CLPB: variants seen among roughly 807,000 people sequenced by gnomAD.
CLPB encodes ClpB family mitochondrial disaggregase.
In CLPB, 40 loss-of-function variants were observed where a neutral mutation model predicts 78.4. The ratio of observed to expected loss-of-function variants is 0.51; its 90% confidence interval spans 0.40 to 0.66. The LOEUF (loss-of-function observed/expected upper bound fraction) is 0.66, where lower values mean the gene tolerates loss of function less well. Among genes scored for constraint, CLPB ranks in the 30% least tolerant of loss-of-function variants. CLPB has a pLI of 0.00. For synonymous variants in CLPB, 333 were observed against 348.0 expected (o/e 0.96, Z 0.48); for missense variants, 780 against 886.9 (o/e 0.88, Z 1.53).
chr11:72,341,985 G>A (rs1950428483), intron 5 of CLPB, among the ~76,000 whole-genome samples: 2 of 152,194 alleles, frequency 1.3e-5, no homozygotes, highest in African/African-American at 4.8e-5. Flanking sequence ...TTAGAGAAGT[G>A]GGGACAGAGG....
chr11:72,403,006 A>G lies in CLPB; in HGVS notation c.502T>C (p.Trp168Arg). Reference protein sequence around the residue: ...ADVNAKHRLGWTALMVAAINR... With the variant: ...ADVNAKHRLGRTALMVAAINR... ...ATGGCTGCCACCATGAGTGCTGTCCAGCCAAGTCTGTGCTTTGCATTGACA... is the reference window on the plus strand; with the variant it reads ...ATGGCTGCCACCATGAGTGCTGTCCGGCCAAGTCTGTGCTTTGCATTGACA... Residue 168 changes from tryptophan to arginine, a missense_variant, in exon 3 of 16, where the codon TGG becomes CGG. This residue lies in a region of CLPB where 417 missense variants were observed against 414.7 expected (regional missense o/e 1.01). Transcript: ENST00000538039. The G allele has an allele frequency of 6.2e-7, 1 of 1,613,850 alleles. No homozygotes were observed. Among genetic ancestry groups the G allele is most frequent in the Non-Finnish European group, 8.5e-7 (1 of 1,180,040 alleles).
At chr11:72,414,312 G>A (rs1407506419) in intron 2 of CLPB, among the ~76,000 whole-genome samples, 3 of 152,200 alleles carry the variant, frequency 2.0e-5, no homozygotes, top group Non-Finnish European at 4.4e-5. Flanking sequence ...AAAGGCCTGT[G>A]CAGGACCTGA....
intron 9 of CLPB, among the ~76,000 whole-genome samples, chr11:72,306,446 G>C (rs751223445): frequency 2.0e-5 from 3 of 152,250 alleles, no homozygotes; most frequent in Admixed American, 6.5e-5. Context: ...GCTGGTAGGA[G>C]AATGTTTGGC....
rs567139784 is a variant in CLPB, at chr11:72,331,116, T to C, written c.776-1312A>G. On this transcript the variant is annotated intron_variant, in intron 5 of 15. Transcript: ENST00000538039. Reference sequence around the variant, plus strand: ...ATAAAACTTTTTTAATCAAAAAAATTTTTTTTGGCCAGGTGTGGTGGCTCA... The same window carrying C: ...ATAAAACTTTTTTAATCAAAAAAATCTTTTTTGGCCAGGTGTGGTGGCTCA... 3.5e-4 allele frequency among the ~76,000 whole-genome samples: 53 copies of C among 152,034 alleles called. 1 individual carries two copies. The South Asian group carries it at 0.011, about 31-fold the overall frequency.
rs545155140 is a variant in CLPB at position 72,290,347 on chromosome 11, A to G, written c.*3020T>C. 1 of 152,372 alleles carries G rather than the reference A, an allele frequency of 6.6e-6. No individual in the cohort carries two copies. The highest frequency in any genetic ancestry group is 1.9e-4 in the East Asian group (1 of 5,186). 9.4% of individuals were successfully genotyped at this position (152,372 alleles called of 1,614,324 possible). On this transcript the variant is annotated 3_prime_UTR_variant, in exon 16 of 16. Coordinates refer to ENST00000538039, the MANE Select transcript of CLPB (RefSeq NM_001258392.3). The stretch of plus-strand genomic sequence containing the variant: ...GAATAAAACAGATATCCACTCATTC[A>G]TACTGATATAAATTATCAAATAAAT...
intron 2 of CLPB, among the ~76,000 whole-genome samples, chr11:72,414,331 A>G (rs1365274425): frequency 6.6e-6 from 1 of 152,130 alleles, no homozygotes; most frequent in Non-Finnish European, 1.5e-5. Context: ...GAGGTGTGGG[A>G]AAGGGTCATA....
intron 11 of CLPB, among the ~76,000 whole-genome samples, chr11:72,300,642 C>A (rs928407319): frequency 1.3e-5 from 2 of 152,160 alleles, no homozygotes; most frequent in Non-Finnish European, 2.9e-5. Context: ...ATCTTCCTGG[C>A]TTGGTACCTG....
intron 4 of CLPB, among the ~76,000 whole-genome samples, chr11:72,376,274 T>A (rs986398276): frequency 1.3e-5 from 2 of 152,222 alleles, no homozygotes; most frequent in African/African-American, 4.8e-5. Flanking sequence ...GAGCTGGGTA[T>A]GGTGCCTTGC....
At chr11:72,330,886 G>C (rs1014951102) in intron 5 of CLPB, among the ~76,000 whole-genome samples, 3 of 152,142 alleles carry the variant, frequency 2.0e-5, no homozygotes, top group Non-Finnish European at 4.4e-5. Flanking sequence ...CTCAGTCCCT[G>C]CCATAGGATA....
At chr11:72,413,078 C>A (rs752881539) in intron 2 of CLPB, among the ~76,000 whole-genome samples, 13 of 152,058 alleles carry the variant, frequency 8.5e-5, no homozygotes, top group Non-Finnish European at 1.5e-5. Context: ...CACCTGAGGT[C>A]GGGAGTTCGA....
intron 2 of CLPB, chr11:72,408,324 C>A: frequency 1.3e-6 from 1 of 754,160 alleles, no homozygotes; most frequent in South Asian, 1.7e-5. Flanking sequence ...GCAAGGTGGT[C>A]GTAAGGATTA....
intron 4 of CLPB, among the ~76,000 whole-genome samples, chr11:72,371,470 A>G (rs1763147210): frequency 6.6e-6 from 1 of 151,902 alleles, no homozygotes; most frequent in South Asian, 2.1e-4. Flanking sequence ...CGGAGGTTGC[A>G]GAGAGCTGAG....
chr11:72,410,608 T>C (rs1855848023), intron 2 of CLPB: 1 of 152,206 alleles, frequency 6.6e-6, no homozygotes, highest in South Asian at 2.1e-4. Flanking sequence ...ACACAGAACT[T>C]GGAACACAGT....
rs539642929 is a variant in CLPB, at chr11:72,425,815, C to G, written c.455+4497G>C. On this transcript the variant is annotated intron_variant, in intron 2 of 15. Coordinates refer to ENST00000538039, the MANE Select transcript of CLPB (RefSeq NM_001258392.3). Reference sequence around the variant, plus strand: ...TTTTTGCCTGGAATGGCTTCCCCTTCTATTTACAAAGTCCAACTGATATTT... The same window carrying G: ...TTTTTGCCTGGAATGGCTTCCCCTTGTATTTACAAAGTCCAACTGATATTT... 7.2e-5 allele frequency among the ~76,000 whole-genome samples: 11 copies of G among 152,262 alleles called. No homozygotes were observed. In the South Asian group the frequency reaches 1.7e-3, roughly 23 times the overall value.
At chr11:72,386,376 G>C (rs991233972) in intron 3 of CLPB, among the ~76,000 whole-genome samples, 2 of 152,172 alleles carry the variant, frequency 1.3e-5, no homozygotes, top group Non-Finnish European at 2.9e-5. Flanking sequence ...TCTGCAAGCA[G>C]AAGTGGTAAG....
chr11:72,308,377 G>A lies in CLPB; in HGVS notation c.1066+150C>T, dbSNP rs1949782181. On this transcript the variant is annotated intron_variant, in intron 8 of 15. Transcript: ENST00000538039. ...GGTAACAGAGTCCTCTTTCTTGGTG[G>A]CTCTGTAATCTGGAGGCCGTTGCTT... is the stretch of plus-strand genomic sequence containing the variant. The A allele has an allele frequency of 9.2e-6, 6 of 653,788 alleles. No homozygotes were observed. In the South Asian group the frequency reaches 1.0e-4, roughly 11 times the overall value. 40.5% of individuals were successfully genotyped at this position (653,788 alleles called of 1,614,324 possible). A position where few individuals can be genotyped will look rare whatever the true frequency, so the allele number is the denominator to read the frequency against.
chr11:72,310,164 A>G (rs1949819534), intron 7 of CLPB, among the ~76,000 whole-genome samples: 1 of 152,206 alleles, frequency 6.6e-6, no homozygotes, highest in South Asian at 2.1e-4. Context: ...GCCTCAAGCC[A>G]GTGGTCTTTC....
chr11:72,414,676 T>C (rs1480101357), intron 2 of CLPB, among the ~76,000 whole-genome samples: 1 of 152,204 alleles, frequency 6.6e-6, no homozygotes, highest in Non-Finnish European at 1.5e-5. Flanking sequence ...GGAGCTCTTA[T>C]TCTGAGCTGG....
chr11:72,322,680 T>A (rs1950064948), intron 6 of CLPB, among the ~76,000 whole-genome samples: 1 of 152,218 alleles, frequency 6.6e-6, no homozygotes, highest in African/African-American at 2.4e-5. Context: ...AGACGTGTGA[T>A]GTTGATTTAT....
Sources: allele counts gnomAD v4.1 joint callset (sites outside exome capture counted in the v4.1 genomes callset), GRCh38; gene constraint gnomAD v4.1.1; regional missense constraint gnomAD v4.1.1; transcripts MANE v1.5; gene names NCBI Gene and HGNC (gene_info 2026-07-23, HGNC 2026-07-21).